The following PPHLN1 variants were observed in gnomAD, a reference collection of about 807,000 sequenced individuals.
PPHLN1 encodes the protein periphilin-1.
In PPHLN1, 29 loss-of-function variants were observed where a neutral mutation model predicts 51.3. The ratio of observed to expected loss-of-function variants is 0.57; its 90% CI spans 0.42 to 0.77. The LOEUF (loss-of-function observed/expected upper bound fraction) is 0.77. Ranked by LOEUF, PPHLN1 falls within the 30% of genes least tolerant of loss-of-function variation. The pLI is 0.00. For missense variants in PPHLN1, 436 were observed against 438.4 expected (o/e 0.99, Z 0.05); for synonymous variants, 147 against 147.8 (o/e 0.99, Z 0.04).
At chr12:42,448,123 T>C (rs2083381116), downstream of PPHLN1, 1 of 152,350 alleles carries the variant, frequency 6.6e-6, no homozygotes, top group Non-Finnish European at 1.5e-5. Flanking sequence ...GTTCCTTTAG[T>C]CAAGATGTCA....
At chr12:42,408,202 T>C (rs2079487460) in intron 9 of PPHLN1, among the ~76,000 whole-genome samples, 1 of 152,054 alleles carries the variant, frequency 6.6e-6, no homozygotes, top group South Asian at 2.1e-4. Flanking sequence ...GCTTTTCTTT[T>C]AACATATAAA....
chr12:42,413,985 G>A (rs1385191109), intron 9 of PPHLN1, among the ~76,000 whole-genome samples: 4 of 151,444 alleles, frequency 2.6e-5, no homozygotes, highest in Non-Finnish European at 5.9e-5. Context: ...TTTTAGGATT[G>A]TTTTTTCTAA....
intron 7 of PPHLN1, among the ~76,000 whole-genome samples, chr12:42,392,843 T>A (rs1565919880): frequency 6.6e-6 from 1 of 152,204 alleles, no homozygotes; most frequent in East Asian, 1.9e-4. Context: ...TTGTGGATAC[T>A]TCCAGATCTA....
At chr12:42,437,067 A>G (rs560648588) in intron 9 of PPHLN1, among the ~76,000 whole-genome samples, 5 of 152,158 alleles carry the variant, frequency 3.3e-5, no homozygotes, top group Non-Finnish European at 7.4e-5. Context: ...TTCCTGATAC[A>G]TCCAAAGGTT....
chr12:42,420,943 C>T (rs949149148), intron 9 of PPHLN1, among the ~76,000 whole-genome samples: 4 of 151,956 alleles, frequency 2.6e-5, no homozygotes, highest in Non-Finnish European at 5.9e-5. Context: ...TTACAATTCA[C>T]CTTCCATGTA....
chr12:42,433,801 G>C (rs2082247448), intron 9 of PPHLN1, among the ~76,000 whole-genome samples: 1 of 152,246 alleles, frequency 6.6e-6, no homozygotes. Context: ...AGGGGTGGCA[G>C]AGGTAGAAGA....
At chr12:42,381,199 C>T (rs2138925574) in intron 5 of PPHLN1, among the ~76,000 whole-genome samples, 1 of 152,250 alleles carries the variant, frequency 6.6e-6, no homozygotes, top group East Asian at 1.9e-4. Context: ...GTTTGAGGAT[C>T]CATTGTTTAC....
At chr12:42,354,266 T>G (rs943422584) in intron 3 of PPHLN1, among the ~76,000 whole-genome samples, 1 of 152,214 alleles carries the variant, frequency 6.6e-6, no homozygotes, top group African/African-American at 2.4e-5. Context: ...TTGCCCAGGC[T>G]GGAGTGCAGT....
intron 4 of PPHLN1, 47 bp from the exon 5 acceptor site, chr12:42,374,816 A>C (rs1484306318): frequency 9.1e-6 from 13 of 1,433,464 alleles, no homozygotes; most frequent in Non-Finnish European, 1.1e-5. Flanking sequence ...TTGTATATAG[A>C]GGATAGAGTA....
downstream of PPHLN1, chr12:42,443,099 G>A (rs1017713002): frequency 5.9e-6 from 1 of 169,224 alleles, no homozygotes; most frequent in African/African-American, 2.4e-5. Context: ...AAGAGCCTAA[G>A]AAGGGAAAGG....
At chr12:42,425,254 T>TC (rs1409892241) in intron 9 of PPHLN1, among the ~76,000 whole-genome samples, 2 of 149,316 alleles carry the variant, frequency 1.3e-5, no homozygotes, top group African/African-American at 4.9e-5. Flanking sequence ...TAATTTTTTT[T>TC]TTTTTTTTTT....
downstream of PPHLN1, chr12:42,446,988 T>C (rs2083353267): frequency 4.9e-6 from 1 of 204,010 alleles, no homozygotes; most frequent in Non-Finnish European, 9.9e-6. Context: ...AGGCCTTTGG[T>C]ATTCTGTCTC....
At chr12:42,381,110 T>C (rs760372741) in intron 5 of PPHLN1, among the ~76,000 whole-genome samples, 2 of 152,178 alleles carry the variant, frequency 1.3e-5, no homozygotes, top group Non-Finnish European at 2.9e-5. Context: ...ATTTAATAGT[T>C]CCCTGAAACA....
rs899557105 is a variant in PPHLN1 at position 42,408,367 on chromosome 12, C to G, written c.909+9373C>G. ...GTACTAAAAAAATACAAAAATTAGC[C>G]AAGTGTGGTGGCTTTTTTTTTTTTT... On this transcript the variant is annotated intron_variant, in intron 9 of 9. Coordinates refer to ENST00000358314, the MANE Select transcript of PPHLN1 (RefSeq NM_201439.2). 5.3e-4 allele frequency among the ~76,000 whole-genome samples: 77 copies of G among 145,818 alleles called. 1 individual carries two copies. The highest frequency in any genetic ancestry group is 1.8e-3 in the African/African-American group (74 of 40,706).
chr12:42,395,836 G>A (rs191722584), intron 8 of PPHLN1, among the ~76,000 whole-genome samples: 1,761 of 152,248 alleles, frequency 0.012, 14 homozygotes, highest in Admixed American at 0.015. Context: ...TAGAATGAAT[G>A]CTTAAGTTTC....
At chr12:42,375,866 A>G (rs896701795) in intron 5 of PPHLN1, among the ~76,000 whole-genome samples, 1 of 152,192 alleles carries the variant, frequency 6.6e-6, no homozygotes, top group African/African-American at 2.4e-5. Context: ...GAGCTCGTTC[A>G]CATAACAGTT....
At chr12:42,414,527 A>AT (rs996891560) in intron 9 of PPHLN1, among the ~76,000 whole-genome samples, 4 of 144,498 alleles carry the variant, frequency 2.8e-5, no homozygotes, top group African/African-American at 9.8e-5. Context: ...ATTTTATTTT[A>AT]TTTTTTTGCA....
intron 2 of PPHLN1, among the ~76,000 whole-genome samples, chr12:42,346,234 C>G (rs938792764): frequency 1.3e-5 from 2 of 152,134 alleles, no homozygotes; most frequent in African/African-American, 4.8e-5. Flanking sequence ...TTCCCCATTT[C>G]TTCCCCTACC....
chr12:42,418,211 CTTTTTTTTTTTTTTTT>C (rs60029170), intron 9 of PPHLN1, among the ~76,000 whole-genome samples: 1 of 98,378 alleles, frequency 1.0e-5, no homozygotes, highest in Non-Finnish European at 1.9e-5. Flanking sequence ...TCCCGGCCCT[CTTTTTTTTTTTTTTTT>C]TTTTTTTTTT....
Sources: allele counts gnomAD v4.1 joint callset (sites outside exome capture counted in the v4.1 genomes callset), GRCh38; gene constraint gnomAD v4.1.1; transcripts MANE v1.5; gene names NCBI Gene and HGNC (gene_info 2026-07-23, HGNC 2026-07-21).